Variants in SH3TC2 observed in about 807,000 individuals in gnomAD.
SH3TC2 encodes SH3 domain and tetratricopeptide repeat-containing protein 2.
Under a neutral mutation model 124.5 loss-of-function variants are expected in SH3TC2, and 87 were observed. The ratio of observed to expected loss-of-function variants is 0.70; its 90% confidence interval spans 0.59 to 0.84. SH3TC2 has a LOEUF of 0.84. Ranked by LOEUF, SH3TC2 falls within the 40% of genes least tolerant of loss-of-function variation. The pLI is 0.00. For synonymous variants in SH3TC2, 634 were observed against 628.5 expected (o/e 1.01, Z -0.13); for missense variants, 1,536 against 1,566.4 (o/e 0.98, Z 0.33).
rs1284099869 is a variant in SH3TC2 at position 148,992,590 on chromosome 5, G to A, written c.*12121C>T. ...GTGTGTATACATAATTCCAAGAAGA[G>A]ATTTCATTGGTTTTTTTTTTTTTTT... On this transcript the variant is annotated 3_prime_UTR_variant, in exon 17 of 17. Transcript: ENST00000515425. Among the ~76,000 whole-genome samples, 5 of 126,520 alleles carry A rather than the reference G, an allele frequency of 4.0e-5. No homozygotes were observed. Among genetic ancestry groups the A allele is most frequent in the Non-Finnish European group, 8.1e-5 (5 of 61,458 alleles). The allele number at this position is 126,520 out of a possible 152,430, so 83.0% of individuals were successfully genotyped here. A position where few individuals can be genotyped will look rare whatever the true frequency, so the allele number is the denominator to read the frequency against.
rs770216507 is a variant in SH3TC2 at position 149,038,438 on chromosome 5, T to C, written c.858A>G (p.Glu286=). 16 of 1,613,992 alleles carry C rather than the reference T, an allele frequency of 9.9e-6. No homozygotes were observed. The highest frequency in any genetic ancestry group is 8.5e-7 in the Non-Finnish European group (1 of 1,180,024). The part of the protein sequence containing the change: ...LTGYEPGEKD[E]LNFYQGESIE... ...TGCTTTCTCCCTGGTAGAAATTCAG[T>C]TCATCCTTTTCTCCTGGCTCATAAC... Residue 286 remains glutamate, a synonymous_variant, in exon 8 of 17, where the codon GAA becomes GAG. Coordinates refer to ENST00000515425, the MANE Select transcript of SH3TC2 (RefSeq NM_024577.4).
chr5:148,987,809 CTG>C lies in SH3TC2; in HGVS notation c.*16900_*16901del, dbSNP rs71957589. 0.31 allele frequency among the ~76,000 whole-genome samples: 41,203 copies of C among 135,014 alleles called. 6,591 individuals carry two copies. Among genetic ancestry groups the C allele is most frequent in the East Asian group, 0.53 (2,290 of 4,330 alleles). 88.6% of individuals were successfully genotyped at this position (135,014 alleles called of 152,430 possible). A position where few individuals can be genotyped will look rare whatever the true frequency, so the allele number is the denominator to read the frequency against. ...CCTCACTCGAGGCCTCATTCAAAAT[CTG>C]TGTGTGTGTGTGTGTGTGTGTGTGT... On this transcript the variant is annotated 3_prime_UTR_variant, in exon 17 of 17. Coordinates refer to ENST00000515425, the MANE Select transcript of SH3TC2 (RefSeq NM_024577.4).
chr5:149,036,129 G>A (rs1754279740), intron 8 of SH3TC2: 1 of 152,220 alleles, frequency 6.6e-6, no homozygotes, highest in East Asian at 1.9e-4. Context: ...ACATTTTACA[G>A]ATGAGAAAAC....
rs750308484 is a variant in SH3TC2, at chr5:149,038,465, C to T, written c.831G>A (p.Thr277=). The T allele has an allele frequency of 2.2e-5, 36 of 1,613,948 alleles. No homozygotes were observed. The African/African-American group carries it at 4.3e-4, about 19-fold the overall frequency. ...QIGRGRCKAL[T]GYEPGEKDEL... ...CATCCTTTTCTCCTGGCTCATAACC[C>T]GTCAAGGCCTTACAGCGTCCTCTGC... Residue 277 remains threonine (T), a synonymous_variant, in exon 8 of 17, where the codon ACG becomes ACA. Transcript: ENST00000515425.
chr5:149,048,883 A>G (rs899280317), intron 2 of SH3TC2, among the ~76,000 whole-genome samples: 7 of 152,334 alleles, frequency 4.6e-5, no homozygotes, highest in African/African-American at 1.7e-4. Flanking sequence ...GCACTTTGCA[A>G]TGTGTCTTCT....
rs548655663 is a variant in SH3TC2, at chr5:149,041,671, C to T, written c.530-54G>A. Reference sequence around the variant, plus strand: ...TCTAAGGAGTAGCAGGAAGTGAAAACGGATTATCACACAAAGTAATGCTTC... The same window carrying T: ...TCTAAGGAGTAGCAGGAAGTGAAAATGGATTATCACACAAAGTAATGCTTC... On this transcript the variant is annotated intron_variant, in intron 5 of 16. Transcript: ENST00000515425. 9.7e-5 allele frequency: 152 copies of T among 1,571,998 alleles called. 1 individual carries two copies. The highest frequency in any genetic ancestry group is 5.2e-4 in the Admixed American group (31 of 59,806).
intron 1 of SH3TC2, among the ~76,000 whole-genome samples, chr5:149,053,521 G>A (rs1754591800): frequency 6.6e-6 from 1 of 152,186 alleles, no homozygotes; most frequent in African/African-American, 2.4e-5. Context: ...AGCTTAGCTG[G>A]AAACCTGGCA....
rs537285537 is a variant in SH3TC2, at chr5:148,999,022, T to G, written c.*5689A>C. Among the ~76,000 whole-genome samples, 483 of 152,336 alleles carry G rather than the reference T, an allele frequency of 3.2e-3. 9 individuals carry two copies. Among genetic ancestry groups the G allele is most frequent in the South Asian group, 1.4e-3 (7 of 4,834 alleles). On this transcript the variant is annotated 3_prime_UTR_variant, in exon 17 of 17. Coordinates refer to ENST00000515425, the MANE Select transcript of SH3TC2 (RefSeq NM_024577.4). Reference sequence around the variant, plus strand: ...TTATTAAGAATCTACTCAGTTCTGCTTCATTGTGACAGCTACCACCAATTG... The same window carrying G: ...TTATTAAGAATCTACTCAGTTCTGCGTCATTGTGACAGCTACCACCAATTG...
rs200806092 is a variant in SH3TC2 at position 149,025,134 on chromosome 5, GCATC to G, written c.3053+1434_3053+1437del. Reference sequence around the variant, plus strand: ...CCTGCCTTCTGGATCTTCTCCAGAAGCATCCAGACTCCTAGGGTGTCCTAGAATG... The same window carrying G: ...CCTGCCTTCTGGATCTTCTCCAGAAGCAGACTCCTAGGGTGTCCTAGAATG... On this transcript the variant is annotated intron_variant, in intron 12 of 16. Coordinates refer to ENST00000515425, the MANE Select transcript of SH3TC2 (RefSeq NM_024577.4). Among the ~76,000 whole-genome samples, 1,240 of 152,244 alleles carry G rather than the reference GCATC, an allele frequency of 8.1e-3. 18 individuals are homozygous for G. The highest frequency in any genetic ancestry group is 0.029 in the African/African-American group (1,192 of 41,526).
At chr5:149,040,557 G>A (rs759843232) in intron 7 of SH3TC2, 47 bp downstream of exon 7, 94 of 1,533,232 alleles carry the variant, frequency 6.1e-5, no homozygotes, top group Non-Finnish European at 8.0e-5. Flanking sequence ...TGAGAGGCAG[G>A]ACAACATTAT....
chr5:149,013,017 A>G (rs773975233), intron 12 of SH3TC2, among the ~76,000 whole-genome samples: 10 of 152,222 alleles, frequency 6.6e-5, no homozygotes, highest in Non-Finnish European at 1.0e-4. Flanking sequence ...CTAAGTGCTT[A>G]GAACAGTGCC....
Position 149,027,189 on chromosome 5 carries a change from C to A in SH3TC2, c.2543G>T (p.Gly848Val). 1 of 1,614,230 alleles carries A rather than the reference C, an allele frequency of 6.2e-7. No homozygotes were observed. The highest frequency in any genetic ancestry group is 8.5e-7 in the Non-Finnish European group (1 of 1,180,040). The change falls in exon 11 of 17, where the codon GGT becomes GTT. Residue 848 changes from glycine to valine, a missense_variant. Physicochemically the swap from Gly to Val is moderately radical, Grantham distance 109. This residue lies in a region of SH3TC2 where 1,102 missense variants were observed against 1,098.6 expected (regional missense o/e 1.00). Coordinates refer to ENST00000515425, the MANE Select transcript of SH3TC2 (RefSeq NM_024577.4). ...GGCTGCCCTGTTCACCCGGCCTTCA[C>A]CTTGGAGTGCAAGTCCCAGGAGGTT... ...IYNLLGLALQ[G>V]EGRVNRAAKS...
Position 149,027,551 on chromosome 5 carries a change from TG to T in SH3TC2, c.2180del (p.Pro727GlnfsTer24). The T allele has an allele frequency of 6.2e-7, 1 of 1,614,176 alleles. No homozygotes were observed. Among genetic ancestry groups the T allele is most frequent in the Non-Finnish European group, 8.5e-7 (1 of 1,180,040 alleles). Reference sequence around the variant, plus strand: ...CCAAGGCAGAAACTTCACCCCAGCCTGGGGAAGGAAAGCCAAGGAGCTTGGT... The same window carrying T: ...CCAAGGCAGAAACTTCACCCCAGCCTGGGAAGGAAAGCCAAGGAGCTTGGT... ...NTTKLLGFPS[P>X]GWGEVSALAC... On this transcript the variant is annotated frameshift_variant, in exon 11 of 17. Coordinates refer to ENST00000515425, the MANE Select transcript of SH3TC2 (RefSeq NM_024577.4). LOFTEE classifies it high-confidence loss of function.
At chr5:149,021,154 T>C (rs1753962298) in intron 12 of SH3TC2, among the ~76,000 whole-genome samples, 1 of 152,110 alleles carries the variant, frequency 6.6e-6, no homozygotes, top group Admixed American at 6.6e-5. Context: ...TTCACAAATA[T>C]GTGGAAATTA....
At position 148,984,475 on chromosome 5, in the gene SH3TC2, C is replaced by G. The variant is rs1580874297; in HGVS notation, c.*20236G>C. Among the ~76,000 whole-genome samples, 1 of 152,152 alleles carries G rather than the reference C, an allele frequency of 6.6e-6. No individual in the cohort carries two copies. The highest frequency in any genetic ancestry group is 1.9e-4 in the East Asian group (1 of 5,176). On this transcript the variant is annotated 3_prime_UTR_variant, in exon 17 of 17. Coordinates refer to ENST00000515425, the MANE Select transcript of SH3TC2 (RefSeq NM_024577.4). ...CTGAAGAACTATATTGGGAAAAACCCTGGGGCCTTGTCTGGGCTCATGACT... is the reference window on the plus strand; with the variant it reads ...CTGAAGAACTATATTGGGAAAAACCGTGGGGCCTTGTCTGGGCTCATGACT...
At chr5:149,016,152 A>G (rs978029401) in intron 12 of SH3TC2, among the ~76,000 whole-genome samples, 1 of 152,194 alleles carries the variant, frequency 6.6e-6, no homozygotes, top group Non-Finnish European at 1.5e-5. Context: ...AATCATCACA[A>G]CAGCCCCAAG....
chr5:149,041,949 G>A (rs551625942), intron 5 of SH3TC2, among the ~76,000 whole-genome samples: 352 of 152,198 alleles, frequency 2.3e-3, no homozygotes, highest in African/African-American at 7.5e-3. Flanking sequence ...ATTTATTGTT[G>A]CAACCTCATG....
At chr5:149,011,333 C>T (rs1580890535) in intron 13 of SH3TC2, among the ~76,000 whole-genome samples, 1 of 152,242 alleles carries the variant, frequency 6.6e-6, no homozygotes, top group African/African-American at 2.4e-5. Flanking sequence ...AGTCAGGAGG[C>T]TTTGCCACCA....
chr5:149,017,185 G>GT (rs958308320), intron 12 of SH3TC2, among the ~76,000 whole-genome samples: 12 of 152,222 alleles, frequency 7.9e-5, no homozygotes, highest in Middle Eastern at 3.4e-3. Context: ...CCCTTGTTCA[G>GT]TTTTTAGCAC....
Sources: gnomAD v4.1 joint callset for allele counts (sites outside exome capture counted in the v4.1 genomes callset) on GRCh38, gnomAD v4.1.1 for gene constraint, gnomAD v4.1.1 regional missense constraint, MANE v1.5 for transcripts, NCBI Gene and HGNC (gene_info 2026-07-23, HGNC 2026-07-21) for gene names.